WDR20: variants seen among roughly 807,000 people sequenced by gnomAD.
The protein encoded by WDR20 is WD repeat domain 20, also known as WD repeat-containing protein 20.
Under a neutral mutation model 38.7 loss-of-function variants are expected in WDR20, and 3 were observed. The ratio of observed to expected loss-of-function variants is 0.08; its 90% CI spans 0.04 to 0.20. WDR20 has a LOEUF of 0.20. WDR20 is among the 10% of genes least tolerant of loss of function. The probability of loss-of-function intolerance (pLI) is 1.00; values close to 1 mark genes in which losing one functional copy is unlikely to be tolerated. For missense variants in WDR20, 559 were observed against 727.7 expected (o/e 0.77, Z 2.67); for synonymous variants, 298 against 285.6 (o/e 1.04, Z -0.44).
intron 1 of WDR20, among the ~76,000 whole-genome samples, chr14:102,160,593 TGTACCATAATTTATTTGAC>T (rs1398689288): frequency 1.3e-5 from 2 of 152,074 alleles, no homozygotes; most frequent in African/African-American, 4.8e-5. Flanking sequence ...ATGCTGTGGA[TGTACCATAATTTATTTGAC>T]GACATCACTC....
intron 1 of WDR20, among the ~76,000 whole-genome samples, chr14:102,183,923 A>G (rs2063953435): frequency 6.6e-6 from 1 of 152,228 alleles, no homozygotes; most frequent in South Asian, 2.1e-4. Context: ...TGTTGTCTCA[A>G]CACTTTCAGA....
At chr14:102,139,574 T>C (rs2050201302), upstream of WDR20, 3 of 740,330 alleles carry the variant, frequency 4.1e-6, 1 homozygote, top group South Asian at 5.8e-5. Context: ...CCGCCGCGGT[T>C]CCCCCTGACC....
chr14:102,208,472 T>C lies in WDR20; in HGVS notation c.433-131T>C. 7.9e-7 allele frequency: 1 copy of C among 1,273,366 alleles called. No individual in the cohort carries two copies. Among genetic ancestry groups the C allele is most frequent in the Non-Finnish European group, 1.1e-6 (1 of 950,796 alleles). The allele number at this position is 1,273,366 out of a possible 1,614,324, so 78.9% of individuals were successfully genotyped here. A position where few individuals can be genotyped will look rare whatever the true frequency, so the allele number is the denominator to read the frequency against. ...AACGCTCCTTGCTGGCTTGGCTGAC[T>C]GCAGGATAAAATGTGGAGGGCCTGG... On this transcript the variant is annotated intron_variant, in intron 2 of 2. Transcript: ENST00000342702. The surrounding 1 kb of genome is among the most constrained non-coding windows in gnomAD (Gnocchi z 5.6).
At chr14:102,157,847 G>T (rs1024894826) in intron 1 of WDR20, among the ~76,000 whole-genome samples, 3 of 152,128 alleles carry the variant, frequency 2.0e-5, no homozygotes, top group African/African-American at 7.2e-5. Context: ...TCATTTAAAT[G>T]TTGGCCTCTT....
At chr14:102,206,553 A>C (rs1322051531) in intron 2 of WDR20, among the ~76,000 whole-genome samples, 1 of 152,202 alleles carries the variant, frequency 6.6e-6, no homozygotes, top group Non-Finnish European at 1.5e-5. Flanking sequence ...AGTAACAATG[A>C]AGTGATCCTA....
intron 1 of WDR20, 89 bp downstream of exon 1, chr14:102,140,261 G>C: frequency 6.4e-7 from 1 of 1,555,864 alleles, no homozygotes; most frequent in Non-Finnish European, 8.6e-7. Flanking sequence ...GTGACCGAGA[G>C]GGGTGGCCGT....
downstream of WDR20, chr14:102,213,818 G>T: frequency 1.0e-6 from 1 of 985,474 alleles, no homozygotes; most frequent in Middle Eastern, 5.2e-4. Context: ...CGAGCTCAAA[G>T]TGTGAGGCGG....
chr14:102,154,138 G>A (rs1438468671), intron 1 of WDR20, among the ~76,000 whole-genome samples: 1 of 152,222 alleles, frequency 6.6e-6, no homozygotes, highest in Non-Finnish European at 1.5e-5. Context: ...ATTCCAGCCT[G>A]TGTTACAGAG....
intron 1 of WDR20, among the ~76,000 whole-genome samples, chr14:102,173,404 G>A (rs934794694): frequency 1.3e-4 from 20 of 150,322 alleles, no homozygotes; most frequent in Non-Finnish European, 2.1e-4. Context: ...GTGTGCCACC[G>A]CGCCCGGCCT....
intron 1 of WDR20, among the ~76,000 whole-genome samples, chr14:102,162,614 T>C (rs935480361): frequency 6.6e-6 from 1 of 151,722 alleles, no homozygotes; most frequent in Non-Finnish European, 1.5e-5. Context: ...TTTCTCTTGC[T>C]CTCTCACGCT....
chr14:102,139,734 G>C, upstream of WDR20: 1 of 853,674 alleles, frequency 1.2e-6, no homozygotes. Flanking sequence ...CGCCAGGTGA[G>C]CACGCCTGCG....
intron 1 of WDR20, among the ~76,000 whole-genome samples, chr14:102,165,029 G>A (rs547350695): frequency 6.6e-6 from 1 of 152,330 alleles, no homozygotes; most frequent in African/African-American, 2.4e-5. Context: ...GCCACTGGCA[G>A]CTTAAGATCT....
At chr14:102,187,932 G>A (rs1314422847) in intron 1 of WDR20, among the ~76,000 whole-genome samples, 2 of 152,176 alleles carry the variant, frequency 1.3e-5, no homozygotes, top group Non-Finnish European at 2.9e-5. Flanking sequence ...TGGTCTGCCT[G>A]CATTAGGCAC....
chr14:102,144,820 C>A (rs1264369246), intron 1 of WDR20, among the ~76,000 whole-genome samples: 1 of 151,952 alleles, frequency 6.6e-6, no homozygotes. Context: ...TCTTGGGCTA[C>A]TCCCGAGTAG....
At chr14:102,149,504 T>C (rs1210525179) in intron 1 of WDR20, among the ~76,000 whole-genome samples, 1 of 152,372 alleles carries the variant, frequency 6.6e-6, no homozygotes, top group South Asian at 2.1e-4. Context: ...TAAAATGTTG[T>C]GTGCAGATCA....
intron 1 of WDR20, among the ~76,000 whole-genome samples, chr14:102,158,927 T>C (rs1166064059): frequency 3.3e-5 from 5 of 151,986 alleles, no homozygotes; most frequent in Admixed American, 6.6e-5. Context: ...GAGAGACTCT[T>C]TCTGACACCC....
At chr14:102,144,593 A>G (rs766113256) in intron 1 of WDR20, among the ~76,000 whole-genome samples, 13 of 152,186 alleles carry the variant, frequency 8.5e-5, no homozygotes, top group Admixed American at 2.0e-4. Context: ...TTTTTACATA[A>G]ATATGAATGG....
rs1205843755 is a variant in WDR20 at position 102,165,181 on chromosome 14, G to A, written c.249+25009G>A. 3.3e-5 allele frequency among the ~76,000 whole-genome samples: 5 copies of A among 151,986 alleles called. No homozygotes were observed. The East Asian group carries it at 9.6e-4, about 29-fold the overall frequency. On this transcript the variant is annotated intron_variant, in intron 1 of 2. Coordinates refer to ENST00000342702, the MANE Select transcript of WDR20 (RefSeq NM_144574.4). ...CCTCCTCAGCTCCAGTCATGGGTGT[G>A]GTGATATTTGGGTGGAACTGTGGCT...
intron 1 of WDR20, among the ~76,000 whole-genome samples, chr14:102,172,657 A>G (rs1177982996): frequency 0.026 from 2,277 of 87,992 alleles, 16 homozygotes; most frequent in African/African-American, 0.046. Context: ...CTGGCCGGGC[A>G]GGGGGCTGAC....
Sources: gnomAD v4.1 joint callset for allele counts (sites outside exome capture counted in the v4.1 genomes callset) on GRCh38, gnomAD v4.1.1 for gene constraint, Gnocchi (gnomAD v3.1) non-coding constraint, MANE v1.5 for transcripts, NCBI Gene and HGNC (gene_info 2026-07-23, HGNC 2026-07-21) for gene names.